CDH4: variants seen among roughly 807,000 people sequenced by gnomAD.
The protein encoded by CDH4 is cadherin-4.
A neutral mutation model predicts 86.0 loss-of-function variants in CDH4; 33 were observed. That is an observed-to-expected ratio of 0.38 (90% confidence interval 0.29 to 0.51). The LOEUF (loss-of-function observed/expected upper bound fraction) is 0.51, where lower values mean the gene tolerates loss of function less well. CDH4 is among the 20% of genes least tolerant of loss of function. The pLI is 0.86. For synonymous variants in CDH4, 555 were observed against 549.4 expected (o/e 1.01, Z -0.14); for missense variants, 1,114 against 1,307.4 (o/e 0.85, Z 2.28).
intron 2 of CDH4, among the ~76,000 whole-genome samples, chr20:61,626,450 CAGA>C (rs764495394): frequency 2.0e-5 from 3 of 146,360 alleles, no homozygotes; most frequent in Non-Finnish European, 3.0e-5. Context: ...CTTGCAGAAG[CAGA>C]AGGAGAAGCA....
At chr20:61,813,269 C>G (rs1020014248) in intron 4 of CDH4, among the ~76,000 whole-genome samples, 1 of 152,198 alleles carries the variant, frequency 6.6e-6, no homozygotes, top group Admixed American at 6.5e-5. Flanking sequence ...GGGATCTCCC[C>G]CACCCAGGGC....
Position 61,377,185 on chromosome 20 carries a change from C to T in CDH4, c.169+122248C>T, listed in dbSNP as rs987883088. On this transcript the variant is annotated intron_variant, in intron 2 of 15. Transcript: ENST00000614565. This position sits in a 1 kb window ranked among gnomAD's most constrained non-coding sequence, Gnocchi z 4.0. The stretch of plus-strand genomic sequence containing the variant: ...TCGGCAATTATTGAAGAGTTGGCGG[C>T]TCAATCTAAAACGGAGGAGCCTTGA... Among the ~76,000 whole-genome samples, 7 of 152,126 alleles carry T rather than the reference C, an allele frequency of 4.6e-5. No homozygotes were observed. Among genetic ancestry groups the T allele is most frequent in the African/African-American group, 1.4e-4 (6 of 41,434 alleles).
intron 2 of CDH4, among the ~76,000 whole-genome samples, chr20:61,622,311 T>G (rs1263712284): frequency 6.6e-6 from 1 of 152,256 alleles, no homozygotes; most frequent in Non-Finnish European, 1.5e-5. Flanking sequence ...GGCCACCTCC[T>G]TCCCTCAGAA....
chr20:61,798,178 C>CGCCCT lies in CDH4; in HGVS notation c.576+25000_576+25001insTGCCC, dbSNP rs1979641561. ...CTCCTGAGCCAGCAGCCATAACCCC[C>CGCCCT]GCCCCGCCCGGCCCTGCCCCGGGCT... On this transcript the variant is annotated intron_variant, in intron 4 of 15. Coordinates refer to ENST00000614565, the MANE Select transcript of CDH4 (RefSeq NM_001794.5). Among the ~76,000 whole-genome samples the CGCCCT allele has an allele frequency of 3.3e-5, 5 of 152,268 alleles. No homozygotes were observed. In the South Asian group the frequency reaches 1.0e-3, roughly 32 times the overall value.
intron 6 of CDH4, among the ~76,000 whole-genome samples, chr20:61,872,818 G>A (rs1351671012): frequency 6.6e-6 from 1 of 152,232 alleles, no homozygotes; most frequent in Non-Finnish European, 1.5e-5. Flanking sequence ...ACAGAGCGGG[G>A]CCTCCACCGG....
At chr20:61,722,992 T>C (rs1304595453) in intron 2 of CDH4, among the ~76,000 whole-genome samples, 3 of 151,970 alleles carry the variant, frequency 2.0e-5, no homozygotes, top group Non-Finnish European at 4.4e-5. Flanking sequence ...ACATCCTGGG[T>C]CCTGCTTGCT....
In CDH4 at chr20:61,311,674, A is replaced by G. The variant is rs111625162; in HGVS notation, c.169+56737A>G. On this transcript the variant is annotated intron_variant, in intron 2 of 15. Transcript: ENST00000614565. ...GTTTACTCAAAACTGGCCAAGACCTATGGGTTGGATGTATATGCTGCATCA... is the reference window on the plus strand; with the variant it reads ...GTTTACTCAAAACTGGCCAAGACCTGTGGGTTGGATGTATATGCTGCATCA... Among the ~76,000 whole-genome samples the G allele has an allele frequency of 7.5e-3, 1,142 of 152,336 alleles. 11 individuals are homozygous for G. Among genetic ancestry groups the G allele is most frequent in the African/African-American group, 0.026 (1,077 of 41,578 alleles).
chr20:61,872,351 G>A (rs921215695), intron 6 of CDH4, among the ~76,000 whole-genome samples: 1 of 152,236 alleles, frequency 6.6e-6, no homozygotes, highest in Admixed American at 6.5e-5. Flanking sequence ...ACGGGGCTTT[G>A]GGGATGAGGA....
In CDH4 at chr20:61,814,108, G is replaced by A. The variant is rs1285633954; in HGVS notation, c.577-30560G>A. 3.9e-5 allele frequency among the ~76,000 whole-genome samples: 6 copies of A among 152,192 alleles called. No homozygotes were observed. The South Asian group carries it at 8.3e-4, about 21-fold the overall frequency. ...TGCAGCGTGGGGAGGGGCTCAGTAC[G>A]GGGAGCAGGTCCCCACCTTCCTGCT... On this transcript the variant is annotated intron_variant, in intron 4 of 15. Coordinates refer to ENST00000614565, the MANE Select transcript of CDH4 (RefSeq NM_001794.5).
rs201168068 is a variant in CDH4 at position 61,279,858 on chromosome 20, C to T, written c.169+24921C>T. On this transcript the variant is annotated intron_variant, in intron 2 of 15. Transcript: ENST00000614565. ...GCTGTTGTGAGTAACGGGGTGATTG[C>T]ACAGATGCCAGGATTTCTGTGAGCC... Among the ~76,000 whole-genome samples the T allele has an allele frequency of 2.6e-5, 4 of 152,260 alleles. No homozygotes were observed. In the East Asian group the frequency reaches 7.7e-4, roughly 29 times the overall value.
intron 3 of CDH4, among the ~76,000 whole-genome samples, chr20:61,747,882 A>C (rs2088436892): frequency 6.6e-6 from 1 of 152,190 alleles, no homozygotes; most frequent in African/African-American, 2.4e-5. Flanking sequence ...TCCAAAACTG[A>C]TAACATTCAT....
At chr20:61,720,867 T>A (rs536177629) in intron 2 of CDH4, among the ~76,000 whole-genome samples, 3 of 152,240 alleles carry the variant, frequency 2.0e-5, no homozygotes, top group Admixed American at 6.5e-5. Flanking sequence ...CCCTTTGACA[T>A]GAGACAGTAA....
At chr20:61,931,476 G>T (rs984584805) in intron 13 of CDH4, among the ~76,000 whole-genome samples, 2 of 152,200 alleles carry the variant, frequency 1.3e-5, no homozygotes, top group African/African-American at 4.8e-5. Flanking sequence ...CAATTAATCG[G>T]GTTGGCAAAA....
At chr20:61,821,937 G>T (rs970594189) in intron 4 of CDH4, among the ~76,000 whole-genome samples, 2 of 152,258 alleles carry the variant, frequency 1.3e-5, no homozygotes, top group Non-Finnish European at 2.9e-5. Context: ...GCCTCCTTGT[G>T]TGGGGTGCAG....
intron 4 of CDH4, among the ~76,000 whole-genome samples, chr20:61,821,852 G>C (rs1043636603): frequency 6.6e-6 from 1 of 152,246 alleles, no homozygotes; most frequent in African/African-American, 2.4e-5. Flanking sequence ...GGAGATAAGT[G>C]TTACCCAGAC....
At chr20:61,867,470 A>G (rs1304214188) in intron 6 of CDH4, among the ~76,000 whole-genome samples, 3 of 151,852 alleles carry the variant, frequency 2.0e-5, no homozygotes, top group East Asian at 1.9e-4. Context: ...GAATCAGTTG[A>G]ACCCAGGAGG....
chr20:61,827,638 C>G (rs1443266361), intron 4 of CDH4, among the ~76,000 whole-genome samples: 3 of 152,234 alleles, frequency 2.0e-5, no homozygotes, highest in Admixed American at 1.3e-4. Context: ...CCCAATAGCA[C>G]TGAACACCCA....
chr20:61,748,528 T>A lies in CDH4; in HGVS notation c.396+4739T>A, dbSNP rs148003820. On this transcript the variant is annotated intron_variant, in intron 3 of 15. Transcript: ENST00000614565. ...GTTCTTCAAACAAAAATAAAACAAG[T>A]TGAGGTGAACACTCAGAAATGGAGG... Among the ~76,000 whole-genome samples, 5 of 152,332 alleles carry A rather than the reference T, an allele frequency of 3.3e-5. No homozygotes were observed. The East Asian group carries it at 9.6e-4, about 29-fold the overall frequency.
chr20:61,372,479 C>T lies in CDH4; in HGVS notation c.169+117542C>T, dbSNP rs150138050. 8.7e-4 allele frequency among the ~76,000 whole-genome samples: 132 copies of T among 152,362 alleles called. 2 individuals are homozygous for T. In the East Asian group the frequency reaches 0.025, roughly 29 times the overall value. On this transcript the variant is annotated intron_variant, in intron 2 of 15. Coordinates refer to ENST00000614565, the MANE Select transcript of CDH4 (RefSeq NM_001794.5). ...CCCCATGGCTCTATTTGCAGACCCA[C>T]CTCAGGGGCCTGACACAGACTAAGC...
Sources: gnomAD v4.1 joint callset for allele counts (sites outside exome capture counted in the v4.1 genomes callset) on GRCh38, gnomAD v4.1.1 for gene constraint, Gnocchi (gnomAD v3.1) non-coding constraint, MANE v1.5 for transcripts, NCBI Gene and HGNC (gene_info 2026-07-23, HGNC 2026-07-21) for gene names.